PSPC1: variants seen among roughly 807,000 people sequenced by gnomAD.
PSPC1 encodes paraspeckle protein 1.
In PSPC1, 14 loss-of-function variants were observed where a neutral mutation model predicts 51.6. That is an observed-to-expected ratio of 0.27 (90% CI 0.18 to 0.42). The LOEUF (loss-of-function observed/expected upper bound fraction) is 0.42, where lower values mean the gene tolerates loss of function less well. Ranked by LOEUF, PSPC1 falls within the 10% of genes least tolerant of loss-of-function variation. The pLI, the probability that PSPC1 is intolerant of heterozygous loss-of-function variation, is 1.00. For synonymous variants in PSPC1, 193 were observed against 231.9 expected, an observed-to-expected ratio of 0.83 and a Z score of 1.53; for missense variants, 406 against 701.1, an observed-to-expected ratio of 0.58 and a Z score of 4.75.
intron 6 of PSPC1, among the ~76,000 whole-genome samples, chr13:19,687,186 G>A (rs1039794084): frequency 3.3e-5 from 5 of 152,094 alleles, no homozygotes; most frequent in African/African-American, 9.7e-5. Flanking sequence ...GGGCAACAGA[G>A]TAAGACTCCA....
intron 3 of PSPC1, among the ~76,000 whole-genome samples, chr13:19,755,715 A>C (rs1359520785): frequency 2.6e-5 from 4 of 152,110 alleles, no homozygotes; most frequent in Non-Finnish European, 5.9e-5. Context: ...CCAATGAATG[A>C]ATGCTCCCTT....
At chr13:19,695,014 TAC>T (rs975736996) in intron 6 of PSPC1, among the ~76,000 whole-genome samples, 1 of 152,194 alleles carries the variant, frequency 6.6e-6, no homozygotes, top group African/African-American at 2.4e-5. Flanking sequence ...TGCAAGAAAC[TAC>T]AGTCTACATA....
At chr13:19,702,483 G>C (rs1336925883), downstream of PSPC1, 1 of 152,064 alleles carries the variant, frequency 6.6e-6, no homozygotes, top group Non-Finnish European at 1.5e-5. Flanking sequence ...AAGCAAAAGA[G>C]ATTTGCCTTC....
intron 2 of PSPC1, among the ~76,000 whole-genome samples, chr13:19,769,367 A>G (rs1333765968): frequency 6.6e-6 from 1 of 152,000 alleles, no homozygotes; most frequent in Non-Finnish European, 1.5e-5. Context: ...CATCCTGGCT[A>G]ACACAGTGAA....
intron 6 of PSPC1, among the ~76,000 whole-genome samples, chr13:19,679,776 G>A (rs776508576): frequency 1.3e-5 from 2 of 152,144 alleles, no homozygotes; most frequent in African/African-American, 4.8e-5. Flanking sequence ...AGGAACAACT[G>A]TTTATGCCTT....
In PSPC1 at chr13:19,730,946, G is replaced by GAAAAAAAAAAAAAAAAAAA. The variant is rs1168386647; in HGVS notation, c.1053-603_1053-602insTTTTTTTTTTTTTTTTTTT. On this transcript the variant is annotated intron_variant, in intron 5 of 8. Coordinates refer to ENST00000338910, the MANE Select transcript of PSPC1 (RefSeq NM_001354909.2). ...TGGGCAACAGTGAGACCCTGTCTCA[G>GAAAAAAAAAAAAAAAAAAA]AAAAAAAAAACAAAAAAACAAAAAA... is the stretch of plus-strand genomic sequence containing the variant. 7.1e-4 allele frequency among the ~76,000 whole-genome samples: 18 copies of GAAAAAAAAAAAAAAAAAAA among 25,214 alleles called. 1 individual carries two copies. The highest frequency in any genetic ancestry group is 4.0e-3 in the East Asian group (1 of 250). 16.5% of individuals were successfully genotyped at this position (25,214 alleles called of 152,430 possible).
chr13:19,727,647 C>T (rs1883517685), intron 6 of PSPC1, among the ~76,000 whole-genome samples: 1 of 152,148 alleles, frequency 6.6e-6, no homozygotes, highest in African/African-American at 2.4e-5. Context: ...GCAGATTTTT[C>T]CCATAAAGAC....
intron 7 of PSPC1, among the ~76,000 whole-genome samples, chr13:19,708,253 T>C (rs150127765): frequency 0.012 from 1,774 of 152,328 alleles, 34 homozygotes; most frequent in African/African-American, 0.039. Context: ...TTTCATTTGA[T>C]AGACTATATA....
intron 6 of PSPC1, among the ~76,000 whole-genome samples, chr13:19,713,428 G>A (rs924755832): frequency 6.7e-6 from 1 of 149,558 alleles, no homozygotes; most frequent in South Asian, 2.1e-4. Flanking sequence ...CATATGGATA[G>A]TAAGTGGCTG....
rs538556073 is a variant in PSPC1 at position 19,769,314 on chromosome 13, G to A, written c.674+2928C>T. 2.2e-4 allele frequency among the ~76,000 whole-genome samples: 34 copies of A among 151,992 alleles called. No individual in the cohort carries two copies. The South Asian group carries it at 7.0e-3, about 31-fold the overall frequency. On this transcript the variant is annotated intron_variant, in intron 2 of 8. Coordinates refer to ENST00000338910, the MANE Select transcript of PSPC1 (RefSeq NM_001354909.2). ...CTCACGCCTGTAATCCCAGCACTTT[G>A]GGAGGCCGAGGCAGGTGGATCACGA...
chr13:19,760,677 G>A (rs985379357), intron 2 of PSPC1, among the ~76,000 whole-genome samples: 3 of 151,776 alleles, frequency 2.0e-5, no homozygotes, highest in Non-Finnish European at 4.4e-5. Flanking sequence ...AAGATGACGA[G>A]ATCCTGTCTC....
At chr13:19,741,471 T>A in intron 5 of PSPC1, 94 bp downstream of exon 5, 1 of 855,172 alleles carries the variant, frequency 1.2e-6, no homozygotes, top group Non-Finnish European at 1.8e-6. Context: ...CTATTTTTCC[T>A]GTGATACTCA....
chr13:19,774,991 A>G (rs1188423326), intron 1 of PSPC1, among the ~76,000 whole-genome samples: 3 of 151,978 alleles, frequency 2.0e-5, no homozygotes, highest in Admixed American at 1.3e-4. Flanking sequence ...CCTAGGCAAC[A>G]TAGCAAGACC....
At chr13:19,748,473 A>T (rs1886211204) in intron 4 of PSPC1, among the ~76,000 whole-genome samples, 1 of 152,160 alleles carries the variant, frequency 6.6e-6, no homozygotes, top group Admixed American at 6.6e-5. Context: ...CAACAAAAAA[A>T]CTCATGGGAA....
chr13:19,747,587 C>T (rs1317624159), intron 4 of PSPC1, among the ~76,000 whole-genome samples: 2 of 152,194 alleles, frequency 1.3e-5, no homozygotes, highest in East Asian at 3.8e-4. Context: ...CCCACCTCAG[C>T]TTCCCAGTGC....
At chr13:19,673,783 G>C (rs367684552), downstream of PSPC1, among the ~76,000 whole-genome samples, 11 of 152,242 alleles carry the variant, frequency 7.2e-5, no homozygotes, top group East Asian at 2.1e-3. Flanking sequence ...ATTATCCGGG[G>C]GAAAAAGCCT....
At chr13:19,752,578 TTTTA>T (rs937297098) in intron 3 of PSPC1, among the ~76,000 whole-genome samples, 3 of 151,482 alleles carry the variant, frequency 2.0e-5, no homozygotes, top group Non-Finnish European at 2.9e-5. Flanking sequence ...TTTTTCACTT[TTTTA>T]TTTATTTATT....
intron 1 of PSPC1, among the ~76,000 whole-genome samples, chr13:19,775,550 C>T (rs1889029702): frequency 6.6e-6 from 1 of 152,156 alleles, no homozygotes; most frequent in African/African-American, 2.4e-5. Flanking sequence ...AATTTTAGTA[C>T]TGGAGGAGGT....
At chr13:19,676,516 C>G (rs941614214) in intron 7 of PSPC1, among the ~76,000 whole-genome samples, 1 of 152,062 alleles carries the variant, frequency 6.6e-6, no homozygotes, top group Admixed American at 6.5e-5. Context: ...CAGAATACAT[C>G]AGTGCATCTC....
Sources: gnomAD v4.1 joint callset for allele counts (sites outside exome capture counted in the v4.1 genomes callset) on GRCh38, gnomAD v4.1.1 for gene constraint, MANE v1.5 for transcripts, NCBI Gene and HGNC (gene_info 2026-07-23, HGNC 2026-07-21) for gene names.